Variants in TMCC1 observed in about 807,000 individuals in gnomAD.
TMCC1 encodes the protein transmembrane and coiled-coil domains protein 1.
A neutral mutation model predicts 52.4 loss-of-function variants in TMCC1; 15 were observed. The ratio of observed to expected loss-of-function variants is 0.29; its 90% CI spans 0.19 to 0.44. TMCC1 has a LOEUF of 0.44. TMCC1 is among the 20% of genes least tolerant of loss of function. The pLI is 1.00. For synonymous variants in TMCC1, 279 were observed against 301.9 expected (o/e 0.92, Z 0.79); for missense variants, 503 against 806.0 (o/e 0.62, Z 4.55).
chr3:129,861,505 A>G (rs1326323527), intron 2 of TMCC1, among the ~76,000 whole-genome samples: 1 of 152,216 alleles, frequency 6.6e-6, no homozygotes, highest in Non-Finnish European at 1.5e-5. Flanking sequence ...TTATAATCTC[A>G]TTGTTAAAAC....
chr3:129,741,623 T>C (rs1392975030), intron 4 of TMCC1, among the ~76,000 whole-genome samples: 1 of 152,196 alleles, frequency 6.6e-6, no homozygotes, highest in African/African-American at 2.4e-5. Context: ...GGAAATAAAA[T>C]TATAAATTAC....
rs1484893178 is a variant in TMCC1, at chr3:129,693,598, C to CTA, written c.577-22335_577-22334insTA. Among the ~76,000 whole-genome samples, 13 of 150,758 alleles carry CTA rather than the reference C, an allele frequency of 8.6e-5. 1 individual carries two copies. The highest frequency in any genetic ancestry group is 1.5e-4 in the Non-Finnish European group (10 of 67,794). ...CTTCCGGGCTCAAGTGATCCTCCCA[C>CTA]CTCAGTCTCCCAAAGTGCTGGGATT... On this transcript the variant is annotated intron_variant, in intron 4 of 6. Coordinates refer to ENST00000393238, the MANE Select transcript of TMCC1 (RefSeq NM_001017395.5).
chr3:129,794,295 T>A (rs2107756487), intron 4 of TMCC1: 1 of 456,154 alleles, frequency 2.2e-6, no homozygotes, highest in African/African-American at 2.0e-5. Flanking sequence ...GAGTTTCCCC[T>A]CCACAAACAT....
intron 6 of TMCC1, among the ~76,000 whole-genome samples, chr3:129,652,999 T>C (rs2086436251): frequency 6.6e-6 from 1 of 152,246 alleles, no homozygotes; most frequent in Non-Finnish European, 1.5e-5. Flanking sequence ...TAAACCTCTT[T>C]AAAATATTTT....
intron 4 of TMCC1, among the ~76,000 whole-genome samples, chr3:129,750,359 T>C (rs1372870524): frequency 6.6e-6 from 1 of 151,564 alleles, no homozygotes; most frequent in Non-Finnish European, 1.5e-5. Context: ...CCTGGCTAAT[T>C]TTTTCTATTT....
At chr3:129,809,621 C>A (rs2057686986) in intron 4 of TMCC1, among the ~76,000 whole-genome samples, 1 of 149,700 alleles carries the variant, frequency 6.7e-6, no homozygotes, top group Non-Finnish European at 1.5e-5. Context: ...ATAAGAGATA[C>A]AAACTGACAG....
chr3:129,802,735 C>G (rs1461033110), intron 4 of TMCC1, among the ~76,000 whole-genome samples: 1 of 152,162 alleles, frequency 6.6e-6, no homozygotes, highest in Non-Finnish European at 1.5e-5. Context: ...GCCCCTCTCT[C>G]CCTACATGGC....
At chr3:129,774,764 C>T (rs904887281) in intron 4 of TMCC1, among the ~76,000 whole-genome samples, 1 of 152,146 alleles carries the variant, frequency 6.6e-6, no homozygotes, top group Admixed American at 6.5e-5. Context: ...GAGTGTAAAA[C>T]AGCTAGACTA....
chr3:129,808,791 C>T (rs2107789345), intron 4 of TMCC1, among the ~76,000 whole-genome samples: 1 of 147,598 alleles, frequency 6.8e-6, no homozygotes, highest in East Asian at 2.0e-4. Flanking sequence ...TAAAGGAAGT[C>T]AAGATATCCA....
At chr3:129,871,710 A>G (rs936806056) in intron 2 of TMCC1, among the ~76,000 whole-genome samples, 5 of 152,208 alleles carry the variant, frequency 3.3e-5, no homozygotes, top group African/African-American at 1.2e-4. Context: ...CTACAAATTC[A>G]TAAGAAAAAA....
chr3:129,716,819 T>C (rs1239398870), intron 4 of TMCC1, among the ~76,000 whole-genome samples: 1 of 152,138 alleles, frequency 6.6e-6, no homozygotes, highest in Non-Finnish European at 1.5e-5. Context: ...GTGGTACCCT[T>C]AAGGCAGGAG....
intron 3 of TMCC1, among the ~76,000 whole-genome samples, chr3:129,832,413 C>T (rs1281634967): frequency 1.3e-5 from 2 of 152,180 alleles, no homozygotes; most frequent in Admixed American, 6.5e-5. Context: ...ACAAAAAACG[C>T]AGCCACCTAC....
intron 4 of TMCC1, among the ~76,000 whole-genome samples, chr3:129,717,653 T>C (rs1054461269): frequency 1.3e-5 from 2 of 152,222 alleles, no homozygotes; most frequent in Admixed American, 1.3e-4. Context: ...AAAATCCTCA[T>C]AGTTACTGAT....
At chr3:129,769,616 ATTC>A (rs536169374) in intron 4 of TMCC1, among the ~76,000 whole-genome samples, 18 of 151,130 alleles carry the variant, frequency 1.2e-4, no homozygotes, top group South Asian at 4.2e-4. Flanking sequence ...GCCCAAGACA[ATTC>A]TTCTTCTTCC....
Position 129,651,355 on chromosome 3 carries a change from T to A in TMCC1, c.*126A>T. 1 of 1,083,964 alleles carries A rather than the reference T, an allele frequency of 9.2e-7. No homozygotes were observed. The highest frequency in any genetic ancestry group is 1.3e-6 in the Non-Finnish European group (1 of 759,428). The allele number at this position is 1,083,964 out of a possible 1,614,324, so 67.1% of individuals were successfully genotyped here. On this transcript the variant is annotated 3_prime_UTR_variant, in exon 7 of 7. Transcript: ENST00000393238. This position sits in a 1 kb window ranked among gnomAD's most constrained non-coding sequence, Gnocchi z 5.1. ...TCTCTTGAAGAAAAAAACATTATTC[T>A]AAATGTAAACAGATTCACTCAACTC...
chr3:129,656,739 C>T (rs1262304436), intron 5 of TMCC1: 1 of 152,184 alleles, frequency 6.6e-6, no homozygotes, highest in Non-Finnish European at 1.5e-5. Context: ...TATGCTGAAA[C>T]TCTTCCTGTT....
chr3:129,721,410 C>T (rs2049571922), intron 4 of TMCC1, among the ~76,000 whole-genome samples: 1 of 152,076 alleles, frequency 6.6e-6, no homozygotes, highest in Non-Finnish European at 1.5e-5. Flanking sequence ...GGTAATTTAG[C>T]TCACTGCAAC....
At chr3:129,673,407 A>G (rs987525823) in intron 4 of TMCC1, among the ~76,000 whole-genome samples, 2 of 152,242 alleles carry the variant, frequency 1.3e-5, no homozygotes, top group African/African-American at 2.4e-5. Flanking sequence ...ATGTTTAATA[A>G]TTAAGCTCAA....
intron 4 of TMCC1, among the ~76,000 whole-genome samples, chr3:129,738,910 C>T: frequency 6.6e-6 from 1 of 152,150 alleles, no homozygotes; most frequent in East Asian, 1.9e-4. Flanking sequence ...CCTCCGCCAC[C>T]TGGGTAAGTG....
Sources: gnomAD v4.1 joint callset for allele counts (sites outside exome capture counted in the v4.1 genomes callset) on GRCh38, gnomAD v4.1.1 for gene constraint, Gnocchi (gnomAD v3.1) non-coding constraint, MANE v1.5 for transcripts, NCBI Gene and HGNC (gene_info 2026-07-23, HGNC 2026-07-21) for gene names.